Variants in MFN1 observed in about 807,000 individuals in gnomAD.
The protein encoded by MFN1 is mitofusin 1, also known as mitofusin-1.
Under a neutral mutation model 92.4 loss-of-function variants are expected in MFN1, and 65 were observed. The observed-to-expected ratio is 0.70, with a 90% CI of 0.58 to 0.86. The LOEUF is 0.86. Among genes scored for constraint, MFN1 ranks in the 40% least tolerant of loss-of-function variants. MFN1 has a pLI of 0.00. For synonymous variants in MFN1, 297 were observed against 300.9 expected, an observed-to-expected ratio of 0.99 and a Z score of 0.13; for missense variants, 781 against 868.0, an observed-to-expected ratio of 0.90 and a Z score of 1.26.
intron 14 of MFN1, among the ~76,000 whole-genome samples, chr3:179,380,195 A>G (rs1209475620): frequency 1.3e-5 from 2 of 152,240 alleles, no homozygotes; most frequent in East Asian, 1.9e-4. Context: ...TGAATTTGCC[A>G]AGATTGTCTC....
chr3:179,370,274 A>G (rs1275888345), intron 9 of MFN1, among the ~76,000 whole-genome samples: 1 of 151,858 alleles, frequency 6.6e-6, no homozygotes, highest in Non-Finnish European at 1.5e-5. Flanking sequence ...CTACATATAC[A>G]TACACACACA....
intron 12 of MFN1, among the ~76,000 whole-genome samples, chr3:179,378,070 A>T (rs1250516828): frequency 1.3e-5 from 2 of 152,180 alleles, no homozygotes; most frequent in Non-Finnish European, 2.9e-5. Flanking sequence ...CAAAAAAAAT[A>T]AAAAATAGCC....
chr3:179,390,031 G>T lies in MFN1; in HGVS notation c.2040G>T (p.Leu680=). ...AAATAGCTACCACTTTTGCTCGCCT[G>T]TGCCAACAAGTTGATATTACTCAAA... ...KQQIATTFAR[L]CQQVDITQKQ... The change falls in exon 17 of 18, where the codon CTG becomes CTT. Residue 680 remains leucine, a synonymous_variant. Transcript: ENST00000471841. The T allele has an allele frequency of 6.2e-7, 1 of 1,603,548 alleles. No individual in the cohort carries two copies. Among genetic ancestry groups the T allele is most frequent in the Non-Finnish European group, 8.5e-7 (1 of 1,177,026 alleles).
Position 179,393,610 on chromosome 3 carries a change from T to C in MFN1, c.*1551T>C, listed in dbSNP as rs1328265484. On this transcript the variant is annotated 3_prime_UTR_variant, in exon 18 of 18. Coordinates refer to ENST00000471841, the MANE Select transcript of MFN1 (RefSeq NM_033540.3). ...GTGCAGTATACTAATGCAAATTAATTTTGGTGTTTAGCTTTTATTGCTCAT... is the reference window on the plus strand; with the variant it reads ...GTGCAGTATACTAATGCAAATTAATCTTGGTGTTTAGCTTTTATTGCTCAT... 6.6e-6 allele frequency: 1 copy of C among 152,190 alleles called. No individual in the cohort carries two copies. Among genetic ancestry groups the C allele is most frequent in the African/African-American group, 2.4e-5 (1 of 41,438 alleles). 9.4% of individuals were successfully genotyped at this position (152,190 alleles called of 1,614,324 possible).
intron 9 of MFN1, among the ~76,000 whole-genome samples, chr3:179,372,398 GATAAA>G (rs1017895569): frequency 1.3e-5 from 2 of 151,838 alleles, no homozygotes; most frequent in African/African-American, 4.8e-5. Flanking sequence ...TAGAGTTCCT[GATAAA>G]ATAAATCTGG....
At chr3:179,384,028 G>A (rs78275170) in intron 14 of MFN1, among the ~76,000 whole-genome samples, 4,919 of 152,174 alleles carry the variant, frequency 0.032, 260 homozygotes, top group African/African-American at 0.11. Context: ...TTCTGTTTAT[G>A]GATTTGCCCT....
rs575388347 is a variant in MFN1, at chr3:179,392,781, T to C, written c.*722T>C. On this transcript the variant is annotated 3_prime_UTR_variant, in exon 18 of 18. Coordinates refer to ENST00000471841, the MANE Select transcript of MFN1 (RefSeq NM_033540.3). ...GGAGTAAAGTTTGAAGAGATAAAAA[T>C]AGCCAAAGATAGGAGACGTCTGAAT... 1 of 152,140 alleles carries C rather than the reference T, an allele frequency of 6.6e-6. No homozygotes were observed. The highest frequency in any genetic ancestry group is 6.6e-5 in the Admixed American group (1 of 15,266). 9.4% of individuals were successfully genotyped at this position (152,140 alleles called of 1,614,324 possible). A position where few individuals can be genotyped will look rare whatever the true frequency, so the allele number is the denominator to read the frequency against.
At chr3:179,348,713 AG>A in intron 1 of MFN1, 131 bp from the exon 2 acceptor site, 1 of 1,364,950 alleles carries the variant, frequency 7.3e-7, no homozygotes, top group East Asian at 2.5e-5. Context: ...CTCCCAAAAA[AG>A]AATTACCTAA....
At chr3:179,351,479 C>A (rs762985971) in intron 2 of MFN1, among the ~76,000 whole-genome samples, 2 of 152,188 alleles carry the variant, frequency 1.3e-5, no homozygotes, top group Non-Finnish European at 2.9e-5. Context: ...AGACCTTGCA[C>A]TGTATCTTAA....
At position 179,386,527 on chromosome 3, in the gene MFN1, C is replaced by T; in HGVS notation, c.1910C>T (p.Ala637Val). 6.2e-7 allele frequency: 1 copy of T among 1,614,060 alleles called. No individual in the cohort carries two copies. Among genetic ancestry groups the T allele is most frequent in the Admixed American group, 1.7e-5 (1 of 60,008 alleles). The change falls in exon 16 of 18, where the codon GCC becomes GTC. Residue 637 changes from alanine to valine, a missense_variant. Transcript: ENST00000471841. ...LYERLSWTTH[A>V]KERAFKQQFV... ...GAAAGACTGAGCTGGACCACCCATGCCAAGGAGCGAGCCTTTAAACAGCAG... is the reference window on the plus strand; with the variant it reads ...GAAAGACTGAGCTGGACCACCCATGTCAAGGAGCGAGCCTTTAAACAGCAG...
At chr3:179,377,932 C>A (rs912519570) in intron 12 of MFN1, among the ~76,000 whole-genome samples, 1 of 151,930 alleles carries the variant, frequency 6.6e-6, no homozygotes, top group Non-Finnish European at 1.5e-5. Flanking sequence ...CGGTGGCAGG[C>A]GCCTGTAATA....
chr3:179,370,844 TG>T (rs1344556654), intron 9 of MFN1, among the ~76,000 whole-genome samples: 6 of 150,326 alleles, frequency 4.0e-5, no homozygotes, highest in African/African-American at 1.3e-4. Context: ...GTTTAGTTTT[TG>T]TTGTTTTTGT....
At chr3:179,360,356 T>C (rs1030906929) in intron 4 of MFN1, among the ~76,000 whole-genome samples, 2 of 152,240 alleles carry the variant, frequency 1.3e-5, no homozygotes, top group Non-Finnish European at 1.5e-5. Flanking sequence ...ATTTGTCTTT[T>C]TGAAACAGAA....
intron 4 of MFN1, 102 bp downstream of exon 4, chr3:179,359,104 TA>T (rs1712463450): frequency 8.0e-7 from 1 of 1,256,544 alleles, no homozygotes; most frequent in African/African-American, 1.5e-5. Flanking sequence ...TGACATCTTA[TA>T]AAAAGAACTG....
At chr3:179,376,268 T>G (rs185718500) in intron 10 of MFN1, among the ~76,000 whole-genome samples, 2 of 152,340 alleles carry the variant, frequency 1.3e-5, no homozygotes, top group Admixed American at 1.3e-4. Context: ...AGCCTCCGTG[T>G]GGCCTCTGTT....
rs1246223278 is a variant in MFN1, at chr3:179,358,791, CT to C, written c.249-42del. 9 of 1,552,848 alleles carry C rather than the reference CT, an allele frequency of 5.8e-6. No homozygotes were observed. In the East Asian group the frequency reaches 1.6e-4, roughly 27 times the overall value. On this transcript the variant is annotated intron_variant, in intron 3 of 17. Coordinates refer to ENST00000471841, the MANE Select transcript of MFN1 (RefSeq NM_033540.3). ...GATATTAGACCCAGTGAAAGAACTA[CT>C]TTTTTTACTGTTATGTTTTGTTTTT...
At chr3:179,372,158 G>A (rs956234323) in intron 9 of MFN1, among the ~76,000 whole-genome samples, 36 of 148,160 alleles carry the variant, frequency 2.4e-4, no homozygotes, top group African/African-American at 7.4e-4. Context: ...AGTATCGAGC[G>A]CGAGTATGGA....
At chr3:179,382,824 G>T (rs1279268611) in intron 14 of MFN1, among the ~76,000 whole-genome samples, 1 of 152,196 alleles carries the variant, frequency 6.6e-6, no homozygotes, top group Non-Finnish European at 1.5e-5. Context: ...GATGGCCAGT[G>T]ATGATGAACA....
chr3:179,379,846 A>G (rs1177851085), intron 14 of MFN1, among the ~76,000 whole-genome samples: 2 of 152,174 alleles, frequency 1.3e-5, no homozygotes, highest in African/African-American at 2.4e-5. Context: ...AGAAAGAACA[A>G]CTTTCCTAAA....
Sources: gnomAD v4.1 joint callset for allele counts (sites outside exome capture counted in the v4.1 genomes callset) on GRCh38, gnomAD v4.1.1 for gene constraint, MANE v1.5 for transcripts, NCBI Gene and HGNC (gene_info 2026-07-23, HGNC 2026-07-21) for gene names.